Variants in IFT88 observed in about 807,000 individuals in gnomAD.
IFT88 encodes the protein intraflagellar transport protein 88 homolog.
A neutral mutation model predicts 119.5 loss-of-function variants in IFT88; 74 were observed. The observed-to-expected ratio is 0.62, with a 90% CI of 0.51 to 0.75. The LOEUF (loss-of-function observed/expected upper bound fraction) is 0.75. Among genes scored for constraint, IFT88 ranks in the 30% least tolerant of loss-of-function variants. IFT88 has a pLI of 0.00. For synonymous variants in IFT88, 279 were observed against 316.7 expected (o/e 0.88, Z 1.26); for missense variants, 961 against 977.7 (o/e 0.98, Z 0.23).
intron 22 of IFT88, among the ~76,000 whole-genome samples, chr13:20,660,526 G>C (rs1175847313): frequency 1.3e-5 from 2 of 152,240 alleles, no homozygotes; most frequent in African/African-American, 2.4e-5. Context: ...TTTGGCTGCT[G>C]TATGGAGAAT....
intron 20 of IFT88, among the ~76,000 whole-genome samples, 161 bp downstream of exon 20, chr13:20,645,119 C>T (rs534503928): frequency 3.3e-4 from 50 of 152,216 alleles, no homozygotes; most frequent in Middle Eastern, 3.4e-3. Context: ...GACGGAGTTT[C>T]GCTCTTGTTG....
rs759264906 is a variant in IFT88, at chr13:20,615,772, T to G, written c.1113-21T>G. ...TTTATACTGTATCTCTAAATACAAC[T>G]TTTTGGTTTATTTGATATAGGAAAG... On this transcript the variant is annotated intron_variant, in intron 13 of 25. Transcript: ENST00000351808. 4 of 1,444,316 alleles carry G rather than the reference T, an allele frequency of 2.8e-6. No homozygotes were observed. In the South Asian group the frequency reaches 4.8e-5, roughly 17 times the overall value. 89.5% of individuals were successfully genotyped at this position (1,444,316 alleles called of 1,614,324 possible).
chr13:20,591,736 AT>A, intron 6 of IFT88, 55 bp downstream of exon 6: 1 of 1,119,396 alleles, frequency 8.9e-7, no homozygotes, highest in Non-Finnish European at 1.3e-6. Context: ...ATCTTTTATC[AT>A]TTTGTGATAT....
intron 1 of IFT88, among the ~76,000 whole-genome samples, chr13:20,569,901 C>T (rs1416067009): frequency 4.0e-5 from 6 of 151,718 alleles, no homozygotes; most frequent in Non-Finnish European, 8.8e-5. Context: ...AAAAATTAGC[C>T]GGGCTTGGTG....
At chr13:20,630,679 A>G (rs762955742) in intron 15 of IFT88, among the ~76,000 whole-genome samples, 1 of 152,164 alleles carries the variant, frequency 6.6e-6, no homozygotes, top group African/African-American at 2.4e-5. Flanking sequence ...GATTATAGGC[A>G]TGAGCCACCA....
chr13:20,659,805 A>G (rs1174129209), intron 22 of IFT88, among the ~76,000 whole-genome samples: 2 of 151,922 alleles, frequency 1.3e-5, no homozygotes, highest in African/African-American at 4.8e-5. Context: ...CACCATGCCC[A>G]GCTAATTTTT....
intron 2 of IFT88, among the ~76,000 whole-genome samples, chr13:20,582,749 A>G (rs111600695): frequency 6.4e-4 from 98 of 152,350 alleles, no homozygotes; most frequent in Non-Finnish European, 1.2e-3. Flanking sequence ...ATTGACTAAC[A>G]TGACCGGTAC....
At chr13:20,572,081 A>G (rs1377835592) in intron 1 of IFT88, among the ~76,000 whole-genome samples, 1 of 152,120 alleles carries the variant, frequency 6.6e-6, no homozygotes, top group East Asian at 1.9e-4. Context: ...TTCATTATGA[A>G]AATTTTCAAA....
intron 15 of IFT88, among the ~76,000 whole-genome samples, chr13:20,626,553 T>A (rs1205886563): frequency 6.6e-6 from 1 of 152,192 alleles, no homozygotes; most frequent in Non-Finnish European, 1.5e-5. Flanking sequence ...AGCAGCTTCC[T>A]TGTAGTCTGT....
At chr13:20,585,235 A>T (rs367826321) in intron 3 of IFT88, among the ~76,000 whole-genome samples, 5 of 152,128 alleles carry the variant, frequency 3.3e-5, no homozygotes, top group African/African-American at 1.2e-4. Flanking sequence ...TCTGACACCA[A>T]CTGCAAGTTC....
At chr13:20,595,257 T>G (rs2041439251) in intron 7 of IFT88, among the ~76,000 whole-genome samples, 1 of 152,100 alleles carries the variant, frequency 6.6e-6, no homozygotes, top group Admixed American at 6.6e-5. Context: ...CTGGGCAACA[T>G]AGCAAGAACC....
chr13:20,597,715 GA>G (rs1245135288), intron 9 of IFT88, among the ~76,000 whole-genome samples: 4 of 150,936 alleles, frequency 2.7e-5, no homozygotes, highest in East Asian at 1.9e-4. Flanking sequence ...CCACACTCCA[GA>G]GCCTGGGCGA....
intron 17 of IFT88, 119 bp from the exon 18 acceptor site, chr13:20,641,165 GTTCATC>G: frequency 1.6e-6 from 1 of 626,778 alleles, no homozygotes; most frequent in African/African-American, 1.8e-5. Flanking sequence ...AAAAACCTGA[GTTCATC>G]TTCATTTTCT....
At chr13:20,690,890 C>G in intron 25 of IFT88, 75 bp downstream of exon 25, 2 of 1,383,004 alleles carry the variant, frequency 1.4e-6, no homozygotes, top group South Asian at 1.2e-5. Context: ...AAAGGTGTTG[C>G]TGGGAATTCT....
chr13:20,615,105 G>A (rs1232978333), intron 13 of IFT88, among the ~76,000 whole-genome samples: 1 of 152,128 alleles, frequency 6.6e-6, no homozygotes, highest in Non-Finnish European at 1.5e-5. Context: ...ATGAGCCACT[G>A]CGCCCGTCCT....
chr13:20,640,229 TGA>T (rs2049669080), intron 17 of IFT88, among the ~76,000 whole-genome samples: 1 of 152,148 alleles, frequency 6.6e-6, no homozygotes, highest in Non-Finnish European at 1.5e-5. Flanking sequence ...TTTTTTCTGT[TGA>T]GTTTCAAAAT....
At chr13:20,611,670 T>A (rs2044563606) in intron 13 of IFT88, among the ~76,000 whole-genome samples, 1 of 151,846 alleles carries the variant, frequency 6.6e-6, no homozygotes, top group Non-Finnish European at 1.5e-5. Context: ...AATGGCACAA[T>A]CTCAGCTCAC....
At chr13:20,676,598 T>C (rs2056694601) in intron 24 of IFT88, among the ~76,000 whole-genome samples, 1 of 152,226 alleles carries the variant, frequency 6.6e-6, no homozygotes, top group Non-Finnish European at 1.5e-5. Context: ...TGTAACCAAG[T>C]GTACCCCTGT....
chr13:20,653,906 A>G lies in IFT88; in HGVS notation c.1980A>G (p.Val660=). Residue 660 remains valine, a synonymous_variant, in exon 21 of 26, where the codon GTA becomes GTG. Coordinates refer to ENST00000351808, the MANE Select transcript of IFT88 (RefSeq NM_006531.5). The part of the protein sequence containing the change: ...QPTQVKWQLM[V]ASCFRRSGNY... Reference sequence around the variant, plus strand: ...CACAAGTGAAATGGCAGCTGATGGTAGCTAGTTGTTTCAGAAGAAGTGGTA... The same window carrying G: ...CACAAGTGAAATGGCAGCTGATGGTGGCTAGTTGTTTCAGAAGAAGTGGTA... 1 of 1,588,044 alleles carries G rather than the reference A, an allele frequency of 6.3e-7. No homozygotes were observed. The highest frequency in any genetic ancestry group is 2.3e-5 in the East Asian group (1 of 44,226).
Sources: gnomAD v4.1 joint callset for allele counts (sites outside exome capture counted in the v4.1 genomes callset) on GRCh38, gnomAD v4.1.1 for gene constraint, MANE v1.5 for transcripts, NCBI Gene and HGNC (gene_info 2026-07-23, HGNC 2026-07-21) for gene names.